RTN1: variants seen among roughly 807,000 people sequenced by gnomAD.
RTN1 encodes the protein reticulon-1.
A neutral mutation model predicts 65.5 loss-of-function variants in RTN1; 25 were observed. That is an observed-to-expected ratio of 0.38 (90% CI 0.28 to 0.53). The LOEUF is 0.53. Among genes scored for constraint, RTN1 ranks in the 20% least tolerant of loss-of-function variants. The pLI is 0.79. For missense variants in RTN1, 983 were observed against 1,025.4 expected (o/e 0.96, Z 0.57); for synonymous variants, 471 against 447.6 (o/e 1.05, Z -0.66).
intron 3 of RTN1, among the ~76,000 whole-genome samples, chr14:59,620,098 T>C (rs994857013): frequency 6.6e-6 from 1 of 151,316 alleles, no homozygotes; most frequent in South Asian, 2.1e-4. Context: ...AAGTCTCCAC[T>C]AAGGAAGGAA....
At chr14:59,619,197 AC>A (rs1217462538) in intron 3 of RTN1, among the ~76,000 whole-genome samples, 2 of 152,188 alleles carry the variant, frequency 1.3e-5, no homozygotes, top group Non-Finnish European at 2.9e-5. Flanking sequence ...AAGGGTGAAA[AC>A]AGCATTTCAA....
chr14:59,613,167 C>T (rs1183401749), intron 3 of RTN1, among the ~76,000 whole-genome samples: 2 of 152,034 alleles, frequency 1.3e-5, no homozygotes, highest in Non-Finnish European at 2.9e-5. Flanking sequence ...TGGTAAAGTT[C>T]AGAAAGTAAA....
intron 3 of RTN1, among the ~76,000 whole-genome samples, chr14:59,659,497 C>T (rs1006576099): frequency 2.6e-5 from 4 of 152,076 alleles, no homozygotes; most frequent in African/African-American, 7.2e-5. Context: ...AGAGAAAAGT[C>T]GGGTTACCCA....
chr14:59,738,304 A>G (rs1299335484), intron 2 of RTN1, among the ~76,000 whole-genome samples: 1 of 152,216 alleles, frequency 6.6e-6, no homozygotes, highest in Non-Finnish European at 1.5e-5. Flanking sequence ...AACAATTTAC[A>G]AGAAAAAAAA....
chr14:59,634,971 A>C (rs1163720461), intron 3 of RTN1, among the ~76,000 whole-genome samples: 1 of 152,178 alleles, frequency 6.6e-6, no homozygotes, highest in Non-Finnish European at 1.5e-5. Context: ...GGAGACACTG[A>C]AGGGTTTTGA....
chr14:59,617,219 C>A (rs971823948), intron 3 of RTN1, among the ~76,000 whole-genome samples: 1 of 152,200 alleles, frequency 6.6e-6, no homozygotes, highest in African/African-American at 2.4e-5. Context: ...ACCTTGTTCA[C>A]AAAGTCCCTG....
rs149316579 is a variant in RTN1, at chr14:59,716,943, G to C, written c.1765+9976C>G. 5.6e-3 allele frequency among the ~76,000 whole-genome samples: 844 copies of C among 151,026 alleles called. 7 individuals are homozygous for C. Among genetic ancestry groups the C allele is most frequent in the African/African-American group, 0.019 (797 of 41,150 alleles). On this transcript the variant is annotated intron_variant, in intron 3 of 8. Transcript: ENST00000267484. ...AGATCATGCCACTACACTCCAGCCT[G>C]GGCAACAGAGCGAGACTCCATCTCA...
intron 1 of RTN1, among the ~76,000 whole-genome samples, chr14:59,749,998 T>TTATAA (rs1359854336): frequency 3.3e-5 from 3 of 89,818 alleles, no homozygotes; most frequent in African/African-American, 8.9e-5. Flanking sequence ...TATACATATA[T>TTATAA]ATTATATACA....
chr14:59,771,371 T>C (rs1348321638), intron 1 of RTN1, among the ~76,000 whole-genome samples: 1 of 152,228 alleles, frequency 6.6e-6, no homozygotes, highest in African/African-American at 2.4e-5. Flanking sequence ...CTGAACTGTG[T>C]GCAAGAAGTG....
At chr14:59,705,297 G>A (rs1209684654) in intron 3 of RTN1, among the ~76,000 whole-genome samples, 1 of 152,094 alleles carries the variant, frequency 6.6e-6, no homozygotes, top group Non-Finnish European at 1.5e-5. Flanking sequence ...TACTAAGATG[G>A]GCATTTACGT....
chr14:59,653,499 T>G (rs896131310), intron 3 of RTN1, among the ~76,000 whole-genome samples: 4 of 152,106 alleles, frequency 2.6e-5, no homozygotes, highest in African/African-American at 9.6e-5. Context: ...GTGTATGTAA[T>G]AGACTGCATA....
chr14:59,814,393 A>C (rs1886782850), intron 1 of RTN1, among the ~76,000 whole-genome samples: 1 of 152,224 alleles, frequency 6.6e-6, no homozygotes, highest in African/African-American at 2.4e-5. Context: ...ATTGGCAGTG[A>C]GGGCTGATGT....
intron 3 of RTN1, among the ~76,000 whole-genome samples, chr14:59,681,993 T>C (rs764670149): frequency 2.0e-5 from 3 of 152,196 alleles, no homozygotes. Context: ...TCTGTCCTTC[T>C]CATGGAGAAA....
At chr14:59,797,320 A>G (rs909152395) in intron 1 of RTN1, among the ~76,000 whole-genome samples, 2 of 152,186 alleles carry the variant, frequency 1.3e-5, no homozygotes, top group African/African-American at 4.8e-5. Flanking sequence ...TGGTTTCCCT[A>G]ATTCCAGTGG....
chr14:59,690,013 T>G (rs1883928340), intron 3 of RTN1, among the ~76,000 whole-genome samples: 1 of 152,052 alleles, frequency 6.6e-6, no homozygotes, highest in African/African-American at 2.4e-5. Flanking sequence ...AGATGGGATC[T>G]TGTTATGTTG....
At chr14:59,614,836 C>T (rs1291605108) in intron 3 of RTN1, among the ~76,000 whole-genome samples, 2 of 152,144 alleles carry the variant, frequency 1.3e-5, no homozygotes, top group Non-Finnish European at 2.9e-5. Flanking sequence ...TCAGGTTTTT[C>T]ACTAAAAATA....
chr14:59,630,048 G>A (rs1164052371), intron 3 of RTN1, among the ~76,000 whole-genome samples: 1 of 152,116 alleles, frequency 6.6e-6, no homozygotes, highest in East Asian at 1.9e-4. Flanking sequence ...GTTCTGCCAG[G>A]AGATTTCAAC....
At chr14:59,761,174 C>T (rs1485092891) in intron 1 of RTN1, among the ~76,000 whole-genome samples, 1 of 152,198 alleles carries the variant, frequency 6.6e-6, no homozygotes, top group African/African-American at 2.4e-5. Context: ...ATTTGAAAGA[C>T]ATTAAAGTCA....
At chr14:59,734,669 G>A (rs1005049308) in intron 2 of RTN1, among the ~76,000 whole-genome samples, 5 of 152,032 alleles carry the variant, frequency 3.3e-5, no homozygotes, top group African/African-American at 1.2e-4. Flanking sequence ...AAATAAGACA[G>A]GCAGACAAGA....
Sources: gnomAD v4.1 joint callset for allele counts (sites outside exome capture counted in the v4.1 genomes callset) on GRCh38, gnomAD v4.1.1 for gene constraint, MANE v1.5 for transcripts, NCBI Gene and HGNC (gene_info 2026-07-23, HGNC 2026-07-21) for gene names.